Variants in PHACTR1 observed in about 807,000 individuals in gnomAD.
PHACTR1 encodes RPEL repeat containing 1.
Under a neutral mutation model 69.2 loss-of-function variants are expected in PHACTR1, and 16 were observed. The observed-to-expected ratio is 0.23, with a 90% CI of 0.16 to 0.35. The LOEUF is 0.35. Ranked by LOEUF, PHACTR1 falls within the 10% of genes least tolerant of loss-of-function variation. The probability of loss-of-function intolerance (pLI) is 1.00; values close to 1 mark genes in which losing one functional copy is unlikely to be tolerated. For missense variants in PHACTR1, 510 were observed against 734.7 expected (o/e 0.69, Z 3.54); for synonymous variants, 312 against 284.5 (o/e 1.10, Z -0.97).
At chr6:12,926,788 T>C (rs1487367371) in intron 4 of PHACTR1, among the ~76,000 whole-genome samples, 2 of 152,382 alleles carry the variant, frequency 1.3e-5, no homozygotes, top group East Asian at 3.9e-4. Flanking sequence ...GAGGCTATGC[T>C]CCAGCAGAGC....
At chr6:12,776,675 T>C (rs1449603012) in intron 4 of PHACTR1, among the ~76,000 whole-genome samples, 1 of 152,242 alleles carries the variant, frequency 6.6e-6, no homozygotes, top group African/African-American at 2.4e-5. Context: ...GGATGTATTA[T>C]TTTAAAGTTT....
chr6:13,146,535 G>A (rs1045147076), intron 5 of PHACTR1, among the ~76,000 whole-genome samples: 1 of 152,180 alleles, frequency 6.6e-6, no homozygotes, highest in Non-Finnish European at 1.5e-5. Context: ...CAGCAGGGTT[G>A]ATCCAACCAT....
chr6:13,023,410 T>C (rs567587239), intron 4 of PHACTR1, among the ~76,000 whole-genome samples: 141 of 152,336 alleles, frequency 9.3e-4, no homozygotes, highest in Middle Eastern at 3.4e-3. Context: ...TTTAGAACAA[T>C]TGCCTCTGCT....
At chr6:13,105,256 G>A (rs1376550334) in intron 5 of PHACTR1, among the ~76,000 whole-genome samples, 2 of 152,100 alleles carry the variant, frequency 1.3e-5, no homozygotes, top group Non-Finnish European at 2.9e-5. Flanking sequence ...ATGCACACCT[G>A]TACTCCCAGC....
chr6:13,144,770 C>CAAAAAA (rs1355659351), intron 5 of PHACTR1, among the ~76,000 whole-genome samples: 4 of 17,358 alleles, frequency 2.3e-4, no homozygotes, highest in African/African-American at 5.5e-4. Flanking sequence ...GACCCTGTCT[C>CAAAAAA]AGAAAAAAAA....
intron 5 of PHACTR1, among the ~76,000 whole-genome samples, chr6:13,155,526 G>A (rs1311937927): frequency 6.6e-6 from 1 of 152,156 alleles, no homozygotes; most frequent in African/African-American, 2.4e-5. Flanking sequence ...CTCCGACTTT[G>A]GAAGAGCTGC....
At chr6:13,145,785 A>T (rs1022847778) in intron 5 of PHACTR1, among the ~76,000 whole-genome samples, 3 of 152,214 alleles carry the variant, frequency 2.0e-5, no homozygotes, top group African/African-American at 7.2e-5. Context: ...AAGGGTCAAG[A>T]TCTTTATCTT....
intron 4 of PHACTR1, among the ~76,000 whole-genome samples, chr6:12,850,785 C>A (rs1178674047): frequency 6.6e-6 from 1 of 152,154 alleles, no homozygotes; most frequent in East Asian, 1.9e-4. Flanking sequence ...TGTCTTTTCC[C>A]TGTGTGTCTT....
At chr6:12,847,910 A>T (rs996393980) in intron 4 of PHACTR1, among the ~76,000 whole-genome samples, 5 of 152,184 alleles carry the variant, frequency 3.3e-5, no homozygotes, top group Non-Finnish European at 7.3e-5. Context: ...CACTGATACC[A>T]GTTAACTGAG....
rs1281150628 is a variant in PHACTR1, at chr6:13,246,692, G to A, written c.1391+16499G>A. Among the ~76,000 whole-genome samples, 1 of 152,158 alleles carries A rather than the reference G, an allele frequency of 6.6e-6. No individual in the cohort carries two copies. The highest frequency in any genetic ancestry group is 2.4e-5 in the African/African-American group (1 of 41,430). On this transcript the variant is annotated intron_variant, in intron 10 of 14. Transcript: ENST00000332995. This position sits in a 1 kb window ranked among gnomAD's most constrained non-coding sequence, Gnocchi z 4.2. ...AATTTGGCTTCAGGCTTGATGGGAT[G>A]TGATTTTTCTGTAGCCCCTATACAG...
chr6:13,254,725 C>G (rs1363714687), intron 10 of PHACTR1, among the ~76,000 whole-genome samples: 1 of 152,238 alleles, frequency 6.6e-6, no homozygotes, highest in East Asian at 1.9e-4. Flanking sequence ...CAACACAGAG[C>G]TCCAGGCTGC....
chr6:12,829,001 C>A (rs1002409837), intron 4 of PHACTR1, among the ~76,000 whole-genome samples: 2 of 152,044 alleles, frequency 1.3e-5, no homozygotes, highest in Non-Finnish European at 2.9e-5. Flanking sequence ...TGATGGGTAT[C>A]CTAGTTACCC....
intron 12 of PHACTR1, 85 bp downstream of exon 12, chr6:13,278,414 T>G (rs1271082089): frequency 1.6e-6 from 2 of 1,281,220 alleles, no homozygotes; most frequent in African/African-American, 1.5e-5. Context: ...CTCAGTGGCC[T>G]CACCGCTGCC....
At chr6:12,717,275 T>A (rs1761503815) in intron 1 of PHACTR1, among the ~76,000 whole-genome samples, 1 of 152,152 alleles carries the variant, frequency 6.6e-6, no homozygotes, top group Admixed American at 6.5e-5. Context: ...TATATTAAAT[T>A]TTTAATCATT....
At chr6:12,792,321 G>A (rs559766698) in intron 4 of PHACTR1, among the ~76,000 whole-genome samples, 4 of 151,634 alleles carry the variant, frequency 2.6e-5, no homozygotes, top group East Asian at 1.9e-4. Context: ...AAAATTAGCC[G>A]GGCGTGGTGG....
In PHACTR1 at chr6:12,963,584, T is replaced by C. The variant is rs79029668; in HGVS notation, c.251-89781T>C. On this transcript the variant is annotated intron_variant, in intron 4 of 14. Coordinates refer to ENST00000332995, the MANE Select transcript of PHACTR1 (RefSeq NM_030948.6). ...CATTAAAAATACAGTATGCCTCCAGTGCCCAAGAAGGATTTGTTCCCTGGG... is the reference window on the plus strand; with the variant it reads ...CATTAAAAATACAGTATGCCTCCAGCGCCCAAGAAGGATTTGTTCCCTGGG... 1.4e-3 allele frequency among the ~76,000 whole-genome samples: 208 copies of C among 152,326 alleles called. 1 individual carries two copies. The East Asian group carries it at 0.034, about 25-fold the overall frequency.
intron 4 of PHACTR1, among the ~76,000 whole-genome samples, chr6:12,921,688 G>C: frequency 7.9e-6 from 1 of 125,988 alleles, no homozygotes; most frequent in African/African-American, 3.2e-5. Context: ...GAAGGAGGAA[G>C]GATGGAAAGA....
At chr6:12,803,223 C>T (rs781378239) in intron 4 of PHACTR1, among the ~76,000 whole-genome samples, 6 of 152,110 alleles carry the variant, frequency 3.9e-5, no homozygotes, top group Non-Finnish European at 5.9e-5. Context: ...GTGTCAACCC[C>T]GCTGCGTTCA....
chr6:12,808,230 A>G (rs2127689349), intron 4 of PHACTR1, among the ~76,000 whole-genome samples: 2 of 152,344 alleles, frequency 1.3e-5, no homozygotes, highest in South Asian at 4.1e-4. Context: ...GAGATTCTTT[A>G]TCCGTCTCTT....
Sources: gnomAD v4.1 joint callset for allele counts (sites outside exome capture counted in the v4.1 genomes callset) on GRCh38, gnomAD v4.1.1 for gene constraint, Gnocchi (gnomAD v3.1) non-coding constraint, MANE v1.5 for transcripts, NCBI Gene and HGNC (gene_info 2026-07-23, HGNC 2026-07-21) for gene names.